Variants in IGF2 observed in about 807,000 individuals in gnomAD.
IGF2 encodes insulin-like growth factor 2.
IGF2 carries 2 observed loss-of-function variants against 12.0 expected under a neutral mutation model. That is an observed-to-expected ratio of 0.17 (90% CI 0.07 to 0.52). IGF2 has a LOEUF of 0.52. Among genes scored for constraint, IGF2 ranks in the 20% least tolerant of loss-of-function variants. The pLI is 0.95. For missense variants in IGF2, 211 were observed against 268.0 expected, an observed-to-expected ratio of 0.79 and a Z score of 1.48; for synonymous variants, 105 against 110.1, an observed-to-expected ratio of 0.95 and a Z score of 0.29.
the IGF2 span, chr11:2,149,069 C>G: frequency 6.5e-7 from 1 of 1,533,426 alleles, no homozygotes; most frequent in East Asian, 2.3e-5. Flanking sequence ...CCCACCCACG[C>G]CTGAACACTT....
In IGF2 at chr11:2,133,590, G is replaced by C; in HGVS notation, c.233C>G (p.Ala78Gly). 1 of 1,613,030 alleles carries C rather than the reference G, an allele frequency of 6.2e-7. No homozygotes were observed. Among genetic ancestry groups the C allele is most frequent in the Non-Finnish European group, 8.5e-7 (1 of 1,179,974 alleles). ...EECCFRSCDL[A>G]LLETYCATPA... ...GGTAGCACAGTACGTCTCCAGGAGG[G>C]CCAGGTCACAGCTGCGGAAACAGCA... The change falls in exon 3 of 4, where the codon GCC becomes GGC. Residue 78 changes from alanine to glycine, a missense_variant. By Grantham distance (60) the Ala-to-Gly change is moderately conservative. Transcript: ENST00000416167. The surrounding 1 kb of genome is among the most constrained non-coding windows in gnomAD (Gnocchi z 8.9).
At chr11:2,147,759 G>C in the IGF2 span, 1 of 1,248,780 alleles carries the variant, frequency 8.0e-7, no homozygotes, top group Admixed American at 4.2e-5. This position sits in a 1 kb window ranked among gnomAD's most constrained non-coding sequence, Gnocchi z 7.2. Context: ...GGGGCTGGGG[G>C]CTGGAATCCA....
chr11:2,149,365 T>C, the IGF2 span: 1 of 1,597,722 alleles, frequency 6.3e-7, no homozygotes, highest in Non-Finnish European at 8.5e-7. Context: ...CGAAGGGCAC[T>C]TTTAGAGTGT....
Position 2,133,799 on chromosome 11 carries a change from G to T in IGF2, c.158-134C>A. The T allele has an allele frequency of 1.9e-6, 2 of 1,077,562 alleles. No homozygotes were observed. The highest frequency in any genetic ancestry group is 2.7e-6 in the Non-Finnish European group (2 of 752,934). 66.8% of individuals were successfully genotyped at this position (1,077,562 alleles called of 1,614,324 possible). ...GGACGCAGCCACCCTGCGGGTCAGG[G>T]GAGGGAAGTGAGAGCTGGCAGGCAG... On this transcript the variant is annotated intron_variant, in intron 2 of 3. Coordinates refer to ENST00000416167, the MANE Select transcript of IGF2 (RefSeq NM_000612.6). This position sits in a 1 kb window ranked among gnomAD's most constrained non-coding sequence, Gnocchi z 8.9.
At position 2,132,571 on chromosome 11, in the gene IGF2, T is replaced by C. The variant is rs1245204129; in HGVS notation, c.*416A>G. The stretch of plus-strand genomic sequence containing the variant: ...CTTTTTTTTTTTAGCCAATTGATTT[T>C]TTTTGGTGGTTGTTTTTTTTAAAGC... On this transcript the variant is annotated 3_prime_UTR_variant, in exon 4 of 4. Coordinates refer to ENST00000416167, the MANE Select transcript of IGF2 (RefSeq NM_000612.6). 1.1e-4 allele frequency: 24 copies of C among 213,436 alleles called. 1 individual carries two copies. In the Admixed American group the frequency reaches 1.4e-3, roughly 12 times the overall value. 13.2% of individuals were successfully genotyped at this position (213,436 alleles called of 1,614,324 possible).
In IGF2 at chr11:2,130,085, G is replaced by A. The variant is rs1191919907; in HGVS notation, c.*2902C>T. 1 of 230,174 alleles carries A rather than the reference G, an allele frequency of 4.3e-6. No individual in the cohort carries two copies. Among genetic ancestry groups the A allele is most frequent in the African/African-American group, 2.2e-5 (1 of 45,230 alleles). 14.3% of individuals were successfully genotyped at this position (230,174 alleles called of 1,614,324 possible). A position where few individuals can be genotyped will look rare whatever the true frequency, so the allele number is the denominator to read the frequency against. On this transcript the variant is annotated 3_prime_UTR_variant, in exon 4 of 4. Transcript: ENST00000416167. Reference sequence around the variant, plus strand: ...TGAGGGGCGGGCAAGATGTCACCGAGGGAGAGGGGAGGGTTCCTCAAGTGT... The same window carrying A: ...TGAGGGGCGGGCAAGATGTCACCGAAGGAGAGGGGAGGGTTCCTCAAGTGT...
chr11:2,143,919 G>A (rs1182267625), upstream of IGF2, among the ~76,000 whole-genome samples: 3 of 152,192 alleles, frequency 2.0e-5, no homozygotes, highest in Admixed American at 6.5e-5. Context: ...GCAGCGGAAG[G>A]AAGGCGCTGC....
intron 1 of IGF2, 28 bp from the exon 2 acceptor site, chr11:2,135,557 C>A (rs766677399): frequency 1.9e-5 from 30 of 1,598,388 alleles, no homozygotes; most frequent in Non-Finnish European, 2.5e-5. Flanking sequence ...GTGGCGTGAG[C>A]GGGGCAGCCA....
chr11:2,140,625 C>T, upstream of IGF2: 1 of 526,154 alleles, frequency 1.9e-6, no homozygotes, highest in South Asian at 1.6e-5. Flanking sequence ...CCGCTTTCCC[C>T]ACAAATGAGA....
chr11:2,133,528 TC>T lies in IGF2; in HGVS notation c.294del (p.Thr99ProfsTer60). ...AKSERDVSTP[P>X]TVLPDNFPRY... ...CCCAGGACCCTCACCGGAAGCACGG[TC>T]GGAGGGGTCGACACGTCCCTCTCGG... On this transcript the variant is annotated frameshift_variant, in exon 3 of 4. Coordinates refer to ENST00000416167, the MANE Select transcript of IGF2 (RefSeq NM_000612.6). LOFTEE classifies it high-confidence loss of function. The surrounding 1 kb of genome is among the most constrained non-coding windows in gnomAD (Gnocchi z 8.9). The T allele has an allele frequency of 6.2e-7, 1 of 1,611,674 alleles. No individual in the cohort carries two copies. The highest frequency in any genetic ancestry group is 8.5e-7 in the Non-Finnish European group (1 of 1,179,342).
upstream of IGF2, among the ~76,000 whole-genome samples, chr11:2,144,950 T>TG (rs1859827970): frequency 6.6e-6 from 1 of 152,094 alleles, no homozygotes; most frequent in African/African-American, 2.4e-5. Flanking sequence ...CTTGGACAGG[T>TG]GTGGGGAGCT....
upstream of IGF2, chr11:2,140,532 G>A (rs1439165207): frequency 1.9e-6 from 1 of 534,396 alleles, no homozygotes; most frequent in Admixed American, 3.4e-5. Context: ...GCGGGCTAGA[G>A]GCACTTTACC....
Position 2,131,539 on chromosome 11 carries a change from GC to G in IGF2, c.*1447del. 4.5e-6 allele frequency: 1 copy of G among 220,088 alleles called. No homozygotes were observed. The allele number at this position is 220,088 out of a possible 1,614,324, so 13.6% of individuals were successfully genotyped here. On this transcript the variant is annotated 3_prime_UTR_variant, in exon 4 of 4. Transcript: ENST00000416167. ...GTATGTGCTGCGCATGAGTGTGTGT[GC>G]TGTGTGTGCATGTGTGTGCTGTGTG...
upstream of IGF2, among the ~76,000 whole-genome samples, chr11:2,141,738 G>A (rs1161060406): frequency 1.3e-5 from 2 of 152,056 alleles, no homozygotes; most frequent in African/African-American, 4.8e-5. Flanking sequence ...GTGGCTTCAG[G>A]GAAAGGTTTT....
chr11:2,146,355 GGGCGCCGCAGACGA>G, the IGF2 span: 2 of 535,606 alleles, frequency 3.7e-6, no homozygotes, highest in East Asian at 1.1e-4. Context: ...ACCCCCTGCA[GGGCGCCGCAGACGA>G]GGCGCTGACC....
intron 1 of IGF2, 105 bp downstream of exon 1, chr11:2,138,124 C>A (rs146921005): frequency 0.42 from 293,896 of 701,346 alleles, 64,573 homozygotes; most frequent in Admixed American, 0.51. Flanking sequence ...CCCGCCGAGC[C>A]CCGCAGGCCC....
At chr11:2,136,276 G>A (rs909048168) in intron 1 of IGF2, among the ~76,000 whole-genome samples, 1 of 152,084 alleles carries the variant, frequency 6.6e-6, no homozygotes, top group Non-Finnish European at 1.5e-5. Flanking sequence ...ACACACACAC[G>A]CCCAGAGCCT....
At chr11:2,144,272 T>TC (rs1013839471), upstream of IGF2, among the ~76,000 whole-genome samples, 1 of 151,728 alleles carries the variant, frequency 6.6e-6, no homozygotes, top group African/African-American at 2.4e-5. Flanking sequence ...GTCCGCAGGC[T>TC]CCCCCTCGCC....
At chr11:2,145,841 G>A (rs17880013), upstream of IGF2, among the ~76,000 whole-genome samples, 2,487 of 152,168 alleles carry the variant, frequency 0.016, 56 homozygotes, top group African/African-American at 0.055. Context: ...CCTGAGGCTC[G>A]AAAAGCACAC....
Sources: allele counts gnomAD v4.1 joint callset (sites outside exome capture counted in the v4.1 genomes callset), GRCh38; gene constraint gnomAD v4.1.1; non-coding constraint Gnocchi (gnomAD v3.1); transcripts MANE v1.5; gene names NCBI Gene and HGNC (gene_info 2026-07-23, HGNC 2026-07-21).